SLC24A3: variants seen among roughly 807,000 people sequenced by gnomAD.
SLC24A3 encodes solute carrier family 24 member 3.
In SLC24A3, 28 loss-of-function variants were observed where a neutral mutation model predicts 75.8. The observed-to-expected ratio is 0.37, with a 90% confidence interval of 0.27 to 0.51. The LOEUF (loss-of-function observed/expected upper bound fraction) is 0.51, where lower values mean the gene tolerates loss of function less well. SLC24A3 is among the 20% of genes least tolerant of loss of function. SLC24A3 has a pLI of 0.94. For missense variants in SLC24A3, 663 were observed against 847.8 expected (o/e 0.78, Z 2.71); for synonymous variants, 372 against 334.1 (o/e 1.11, Z -1.24).
At chr20:19,511,899 C>T (rs2029892533) in intron 2 of SLC24A3, among the ~76,000 whole-genome samples, 1 of 152,138 alleles carries the variant, frequency 6.6e-6, no homozygotes. Flanking sequence ...TATTGGCCAT[C>T]AAATAAGACT....
intron 3 of SLC24A3, among the ~76,000 whole-genome samples, chr20:19,577,087 C>G (rs537031832): frequency 2.4e-4 from 37 of 151,708 alleles, no homozygotes; most frequent in African/African-American, 8.7e-4. Context: ...CAGAGTCTCA[C>G]TCTGTCGCCG....
At chr20:19,301,484 TG>T (rs1410009951) in intron 2 of SLC24A3, among the ~76,000 whole-genome samples, 2 of 152,212 alleles carry the variant, frequency 1.3e-5, no homozygotes, top group Non-Finnish European at 2.9e-5. Context: ...ACCACATCCT[TG>T]GTTATCCTCA....
At chr20:19,652,654 A>G (rs1299791660) in intron 6 of SLC24A3, among the ~76,000 whole-genome samples, 1 of 152,226 alleles carries the variant, frequency 6.6e-6, no homozygotes, top group Non-Finnish European at 1.5e-5. Context: ...GAAGTGGGGA[A>G]TGCGTTAATG....
At chr20:19,628,223 GAAAAAGA>G (rs2031890708) in intron 6 of SLC24A3, among the ~76,000 whole-genome samples, 3 of 128,232 alleles carry the variant, frequency 2.3e-5, no homozygotes, top group South Asian at 2.5e-4. Flanking sequence ...AAAAAAAAAA[GAAAAAGA>G]AAAAAGAAAA....
At chr20:19,576,554 T>C (rs1339788207) in intron 3 of SLC24A3, among the ~76,000 whole-genome samples, 2 of 152,158 alleles carry the variant, frequency 1.3e-5, no homozygotes, top group Non-Finnish European at 2.9e-5. Context: ...CCAGAGGTGC[T>C]ATGTCAAAGG....
intron 2 of SLC24A3, among the ~76,000 whole-genome samples, chr20:19,467,828 C>T (rs896691785): frequency 4.0e-5 from 6 of 150,982 alleles, no homozygotes; most frequent in Non-Finnish European, 5.9e-5. Flanking sequence ...TTGCAGTGAG[C>T]TGAGATCACA....
intron 6 of SLC24A3, among the ~76,000 whole-genome samples, chr20:19,612,468 T>G (rs561804582): frequency 6.6e-6 from 1 of 152,320 alleles, no homozygotes; most frequent in East Asian, 1.9e-4. Context: ...GGATCTGCTG[T>G]GTACCCTGAT....
intron 6 of SLC24A3, among the ~76,000 whole-genome samples, chr20:19,628,015 G>A (rs2031886237): frequency 6.6e-6 from 1 of 151,650 alleles, no homozygotes; most frequent in African/African-American, 2.4e-5. Flanking sequence ...GGCCAACATG[G>A]TGAAACCCTG....
At chr20:19,349,549 T>A (rs1456077655) in intron 2 of SLC24A3, among the ~76,000 whole-genome samples, 1 of 152,080 alleles carries the variant, frequency 6.6e-6, no homozygotes, top group African/African-American at 2.4e-5. Flanking sequence ...CTGAGAAAAG[T>A]CCTTGACCAA....
At chr20:19,269,737 C>T (rs974591592) in intron 1 of SLC24A3, among the ~76,000 whole-genome samples, 2 of 148,902 alleles carry the variant, frequency 1.3e-5, no homozygotes, top group Non-Finnish European at 3.0e-5. Context: ...ACACAGATGC[C>T]CCCTGTTGCC....
intron 8 of SLC24A3, among the ~76,000 whole-genome samples, chr20:19,670,253 C>A (rs2032450888): frequency 6.6e-6 from 1 of 152,108 alleles, no homozygotes; most frequent in Non-Finnish European, 1.5e-5. Flanking sequence ...GCTTGATGAT[C>A]CAAATTCAAC....
intron 6 of SLC24A3, among the ~76,000 whole-genome samples, chr20:19,610,203 C>G (rs1328133983): frequency 6.6e-6 from 1 of 152,090 alleles, no homozygotes; most frequent in Non-Finnish European, 1.5e-5. Context: ...CTTCATTCTC[C>G]CCTTCTTTTA....
At chr20:19,458,980 G>A (rs1003059651) in intron 2 of SLC24A3, among the ~76,000 whole-genome samples, 1 of 152,128 alleles carries the variant, frequency 6.6e-6, no homozygotes, top group Non-Finnish European at 1.5e-5. Flanking sequence ...CCATTGGAGT[G>A]GTTAAGATAG....
At chr20:19,269,633 G>A (rs901846171) in intron 1 of SLC24A3, among the ~76,000 whole-genome samples, 2 of 152,204 alleles carry the variant, frequency 1.3e-5, no homozygotes, top group Non-Finnish European at 2.9e-5. Context: ...TTCATTGTGA[G>A]ACCCACTGCA....
intron 1 of SLC24A3, among the ~76,000 whole-genome samples, chr20:19,270,953 A>C (rs1229619777): frequency 1.3e-5 from 2 of 152,102 alleles, no homozygotes; most frequent in African/African-American, 4.8e-5. Context: ...GTGGCAGGAG[A>C]GCTTTTGAAG....
intron 6 of SLC24A3, among the ~76,000 whole-genome samples, chr20:19,618,680 T>C (rs1044793103): frequency 6.6e-6 from 1 of 152,160 alleles, no homozygotes; most frequent in African/African-American, 2.4e-5. Flanking sequence ...TGTTACCACA[T>C]ACGAAAAATG....
chr20:19,490,560 T>C (rs1455195805), intron 2 of SLC24A3, among the ~76,000 whole-genome samples: 1 of 152,238 alleles, frequency 6.6e-6, no homozygotes, highest in Non-Finnish European at 1.5e-5. Context: ...CCTGGATGTC[T>C]GCTAAATATA....
chr20:19,352,909 A>G (rs1985602982), intron 2 of SLC24A3, among the ~76,000 whole-genome samples: 1 of 152,236 alleles, frequency 6.6e-6, no homozygotes, highest in Admixed American at 6.5e-5. Flanking sequence ...TGGAGCTGAG[A>G]AAACCTTATC....
At chr20:19,285,927 AT>A (rs1357004744) in intron 2 of SLC24A3, among the ~76,000 whole-genome samples, 3 of 152,226 alleles carry the variant, frequency 2.0e-5, no homozygotes, top group Admixed American at 1.3e-4. Context: ...CTCCAGAAAA[AT>A]ATATCATCTT....
Sources: allele counts gnomAD v4.1 joint callset (sites outside exome capture counted in the v4.1 genomes callset), GRCh38; gene constraint gnomAD v4.1.1; transcripts MANE v1.5; gene names NCBI Gene and HGNC (gene_info 2026-07-23, HGNC 2026-07-21).